The following SLC25A36 variants were observed in gnomAD, a reference collection of about 807,000 sequenced individuals.
SLC25A36 encodes the protein solute carrier family 25 member 36.
Under a neutral mutation model 35.3 loss-of-function variants are expected in SLC25A36, and 24 were observed. The observed-to-expected ratio is 0.68, with a 90% CI of 0.49 to 0.96. SLC25A36 has a LOEUF of 0.96. Among genes scored for constraint, SLC25A36 ranks in the 40% least tolerant of loss-of-function variants. The pLI is 0.00. For synonymous variants in SLC25A36, 141 were observed against 132.2 expected, an observed-to-expected ratio of 1.07 and a Z score of -0.46; for missense variants, 294 against 381.1, an observed-to-expected ratio of 0.77 and a Z score of 1.90.
chr3:140,963,300 G>A, intron 4 of SLC25A36, 73 bp downstream of exon 4: 1 of 936,284 alleles, frequency 1.1e-6, no homozygotes, highest in South Asian at 1.7e-5. Context: ...TTATAAGTTT[G>A]TAGTGAAAAG....
At chr3:140,964,742 G>A (rs1002126605) in intron 4 of SLC25A36, 10 of 151,824 alleles carry the variant, frequency 6.6e-5, no homozygotes, top group African/African-American at 2.4e-4. Flanking sequence ...TTGGAATCTA[G>A]AAAGTTAGAT....
chr3:140,978,990 A>T lies in SLC25A36; in HGVS notation c.*2537A>T, dbSNP rs1935122994. The T allele has an allele frequency of 6.6e-6, 1 of 152,110 alleles. No homozygotes were observed. The highest frequency in any genetic ancestry group is 2.1e-4 in the South Asian group (1 of 4,828). The allele number at this position is 152,110 out of a possible 1,614,324, so 9.4% of individuals were successfully genotyped here. A position where few individuals can be genotyped will look rare whatever the true frequency, so the allele number is the denominator to read the frequency against. ...TTTTTATTTCTGGTGTAGAGTCCAC[A>T]TTATTTAGTTTGTTGTACTTTTAAA... On this transcript the variant is annotated 3_prime_UTR_variant, in exon 7 of 7. Transcript: ENST00000324194.
intron 1 of SLC25A36, among the ~76,000 whole-genome samples, chr3:140,952,538 A>G (rs1934355689): frequency 6.6e-6 from 1 of 152,236 alleles, no homozygotes. Context: ...AATATTCATA[A>G]GACTTCTATT....
rs772962480 is a variant in SLC25A36 at position 140,979,518 on chromosome 3, A to G, written c.*3065A>G. 5 of 152,170 alleles carry G rather than the reference A, an allele frequency of 3.3e-5. No individual in the cohort carries two copies. Among genetic ancestry groups the G allele is most frequent in the Non-Finnish European group, 7.4e-5 (5 of 68,016 alleles). 9.4% of individuals were successfully genotyped at this position (152,170 alleles called of 1,614,324 possible). A position where few individuals can be genotyped will look rare whatever the true frequency, so the allele number is the denominator to read the frequency against. On this transcript the variant is annotated 3_prime_UTR_variant, in exon 7 of 7. Transcript: ENST00000324194. ...TCCTCAAATATATAATGACTTTAACATTCCTAAGAATATAGGTATTTCTGA... is the reference window on the plus strand; with the variant it reads ...TCCTCAAATATATAATGACTTTAACGTTCCTAAGAATATAGGTATTTCTGA...
chr3:140,954,659 G>A (rs11717620), intron 1 of SLC25A36, among the ~76,000 whole-genome samples: 11,381 of 152,128 alleles, frequency 0.075, 533 homozygotes, highest in East Asian at 0.17. Context: ...GTGTTTATTT[G>A]CGTCTATGTA....
At chr3:140,960,075 T>C (rs1421113901) in intron 3 of SLC25A36, among the ~76,000 whole-genome samples, 3 of 152,152 alleles carry the variant, frequency 2.0e-5, no homozygotes, top group Non-Finnish European at 4.4e-5. Context: ...CTAGGAGATA[T>C]AAAATTACTA....
intron 1 of SLC25A36, among the ~76,000 whole-genome samples, chr3:140,948,636 G>A (rs1427899384): frequency 6.6e-6 from 1 of 152,140 alleles, no homozygotes; most frequent in Non-Finnish European, 1.5e-5. Context: ...TAAATAATAT[G>A]CACATACAAA....
At chr3:140,964,402 T>A (rs1934708969) in intron 4 of SLC25A36, 1 of 151,962 alleles carries the variant, frequency 6.6e-6, no homozygotes, top group Admixed American at 6.6e-5. Context: ...TTATGTAATT[T>A]ATGTGAACCT....
Position 140,942,100 on chromosome 3 carries a change from G to C in SLC25A36, c.41+5G>C. On this transcript the variant is annotated splice_donor_5th_base_variant and intron_variant, in intron 1 of 6. Transcript: ENST00000324194. Reference sequence around the variant, plus strand: ...GGTGCATCTGTTTGCCGGAGGGTAAGGTCCTGGCGGGGCGTGCGCACTGGG... The same window carrying C: ...GGTGCATCTGTTTGCCGGAGGGTAACGTCCTGGCGGGGCGTGCGCACTGGG... 6.9e-7 allele frequency: 1 copy of C among 1,446,866 alleles called. No homozygotes were observed. The highest frequency in any genetic ancestry group is 9.3e-7 in the Non-Finnish European group (1 of 1,074,958). The allele number at this position is 1,446,866 out of a possible 1,614,324, so 89.6% of individuals were successfully genotyped here.
At chr3:140,945,658 T>G (rs1440652720) in intron 1 of SLC25A36, among the ~76,000 whole-genome samples, 1 of 151,006 alleles carries the variant, frequency 6.6e-6, no homozygotes, top group East Asian at 2.0e-4. Flanking sequence ...CAATGATGGG[T>G]AAAACTGCTG....
rs551164620 is a variant in SLC25A36 at position 140,941,891 on chromosome 3, C to T, written c.-164C>T. On this transcript the variant is annotated 5_prime_UTR_variant, in exon 1 of 7. Transcript: ENST00000324194. ...AGGCGGTGGCGCGGCTGGAGTGCCG[C>T]GGGGAGGGCTGTGCCGGTTGCTTTC... is the stretch of plus-strand genomic sequence containing the variant. The T allele has an allele frequency of 3.9e-6, 2 of 512,778 alleles. No individual in the cohort carries two copies. The highest frequency in any genetic ancestry group is 5.4e-5 in the South Asian group (2 of 36,912). The allele number at this position is 512,778 out of a possible 1,614,324, so 31.8% of individuals were successfully genotyped here. A position where few individuals can be genotyped will look rare whatever the true frequency, so the allele number is the denominator to read the frequency against.
chr3:140,946,142 A>G (rs1018149194), intron 1 of SLC25A36, among the ~76,000 whole-genome samples: 3 of 152,180 alleles, frequency 2.0e-5, no homozygotes, highest in Non-Finnish European at 4.4e-5. Flanking sequence ...CTTGTCTAGT[A>G]ATTGTTATCA....
At chr3:140,968,499 G>A in intron 4 of SLC25A36, 1 of 981,742 alleles carries the variant, frequency 1.0e-6, no homozygotes, top group Non-Finnish European at 1.2e-6. Context: ...GTTAATTTGT[G>A]CTTGGAAATG....
intron 4 of SLC25A36, chr3:140,964,002 C>T (rs1934699155): frequency 1.3e-5 from 2 of 151,922 alleles, no homozygotes; most frequent in Admixed American, 1.3e-4. Context: ...TGAAAATTCT[C>T]CCTAATATCT....
rs1480434111 is a variant in SLC25A36, at chr3:140,963,236, G to A, written c.385+9G>A. 3 of 1,365,210 alleles carry A rather than the reference G, an allele frequency of 2.2e-6. No homozygotes were observed. Among genetic ancestry groups the A allele is most frequent in the Admixed American group, 2.3e-5 (1 of 43,582 alleles). 84.6% of individuals were successfully genotyped at this position (1,365,210 alleles called of 1,614,324 possible). On this transcript the variant is annotated intron_variant, in intron 4 of 6. Transcript: ENST00000324194. ...TTCAGCTGCAATGGCAGGTATGAAT[G>A]TATAATATTAAAAAAAAAAAAAACT...
At chr3:140,961,842 C>G (rs961366603) in intron 3 of SLC25A36, among the ~76,000 whole-genome samples, 1 of 109,438 alleles carries the variant, frequency 9.1e-6, no homozygotes, top group African/African-American at 3.8e-5. Context: ...GGCAAAAGAG[C>G]GAGGCTCCGT....
intron 1 of SLC25A36, among the ~76,000 whole-genome samples, chr3:140,953,405 G>T (rs777973350): frequency 2.1e-5 from 3 of 144,424 alleles, no homozygotes; most frequent in African/African-American, 7.7e-5. Context: ...TTGGGGGGGG[G>T]GTTAAATTTT....
chr3:140,952,890 G>C (rs1361760934), intron 1 of SLC25A36, among the ~76,000 whole-genome samples: 1 of 152,044 alleles, frequency 6.6e-6, no homozygotes, highest in Non-Finnish European at 1.5e-5. Context: ...CTCTTTCTTA[G>C]GTTTTACAGA....
At chr3:140,944,321 A>G (rs780139632) in intron 1 of SLC25A36, among the ~76,000 whole-genome samples, 15 of 152,176 alleles carry the variant, frequency 9.9e-5, no homozygotes, top group Non-Finnish European at 2.1e-4. Flanking sequence ...CCAGCACTGG[A>G]CCTTGGTTCT....
Sources: allele counts gnomAD v4.1 joint callset (sites outside exome capture counted in the v4.1 genomes callset), GRCh38; gene constraint gnomAD v4.1.1; transcripts MANE v1.5; gene names NCBI Gene and HGNC (gene_info 2026-07-23, HGNC 2026-07-21).